EXOSC8: variants seen among roughly 807,000 people sequenced by gnomAD.
The protein encoded by EXOSC8 is exosome component 8.
Under a neutral mutation model 39.9 loss-of-function variants are expected in EXOSC8, and 37 were observed. That is an observed-to-expected ratio of 0.93 (90% CI 0.71 to 1.22). EXOSC8 has a LOEUF of 1.22. Among genes scored for constraint, EXOSC8 ranks in the 50% most tolerant of loss-of-function variants. The pLI, the probability that EXOSC8 is intolerant of heterozygous loss-of-function variation, is 0.00. For missense variants in EXOSC8, 313 were observed against 326.6 expected, an observed-to-expected ratio of 0.96 and a Z score of 0.32; for synonymous variants, 93 against 109.5, an observed-to-expected ratio of 0.85 and a Z score of 0.94.
At chr13:37,001,584 C>A (rs1013345405) in intron 1 of EXOSC8, 1 of 152,044 alleles carries the variant, frequency 6.6e-6, no homozygotes, top group South Asian at 2.1e-4. Context: ...CAAAGGAAAT[C>A]CATTATGTTG....
At chr13:37,002,160 A>T in intron 1 of EXOSC8, 113 bp from the exon 2 acceptor site, 1 of 727,816 alleles carries the variant, frequency 1.4e-6, no homozygotes, top group Non-Finnish European at 2.4e-6. Context: ...ACTTTTAGTT[A>T]AAAAGTTGTG....
At chr13:37,002,348 C>A in intron 2 of EXOSC8, 39 bp downstream of exon 2, 1 of 1,528,982 alleles carries the variant, frequency 6.5e-7, no homozygotes, top group Non-Finnish European at 9.0e-7. Context: ...GTTTTGATAA[C>A]GAGCTGCTTT....
At chr13:37,007,820 A>T (rs1042117666) in intron 8 of EXOSC8, among the ~76,000 whole-genome samples, 3 of 152,170 alleles carry the variant, frequency 2.0e-5, no homozygotes, top group Non-Finnish European at 4.4e-5. Context: ...TTTAAAAAAA[A>T]ATCATTGACT....
Position 37,004,501 on chromosome 13 carries a change from T to A in EXOSC8, c.193-15T>A. ...GTAGCTTCTTTCAATAGGAAACATT[T>A]CTTTGCTACTATAGGAATTTGCAGC... On this transcript the variant is annotated splice_polypyrimidine_tract_variant and intron_variant, in intron 4 of 10. Coordinates refer to ENST00000389704, the MANE Select transcript of EXOSC8 (RefSeq NM_181503.3). The A allele has an allele frequency of 6.3e-7, 1 of 1,592,118 alleles. No homozygotes were observed. Among genetic ancestry groups the A allele is most frequent in the South Asian group, 1.1e-5 (1 of 89,366 alleles).
At chr13:37,006,842 T>G (rs1593701884) in intron 7 of EXOSC8, 133 bp from the exon 8 acceptor site, 1 of 600,584 alleles carries the variant, frequency 1.7e-6, no homozygotes, top group East Asian at 2.9e-5. Flanking sequence ...TGAAGCATTT[T>G]CTTAAGGTTT....
chr13:37,008,651 G>A (rs2059173670), intron 9 of EXOSC8, 78 bp from the exon 10 acceptor site: 5 of 875,528 alleles, frequency 5.7e-6, no homozygotes, highest in Non-Finnish European at 7.3e-6. Context: ...AGCTACTTGG[G>A]AGGCTGATAG....
In EXOSC8 at chr13:37,001,835, A is replaced by G. The variant is rs192842946; in HGVS notation, c.18-438A>G. On this transcript the variant is annotated intron_variant, in intron 1 of 10. Transcript: ENST00000389704. ...AATGTTACTATGGCTTATTGCTTACAGTCATAATTGAAGAATATGCTAAAT... is the reference window on the plus strand; with the variant it reads ...AATGTTACTATGGCTTATTGCTTACGGTCATAATTGAAGAATATGCTAAAT... The G allele has an allele frequency of 4.1e-3, 629 of 155,176 alleles. 5 individuals are homozygous for G. The highest frequency in any genetic ancestry group is 0.015 in the African/African-American group (613 of 41,634). 9.6% of individuals were successfully genotyped at this position (155,176 alleles called of 1,614,324 possible). A position where few individuals can be genotyped will look rare whatever the true frequency, so the allele number is the denominator to read the frequency against.
At chr13:37,003,510 C>T (rs1364883586) in intron 4 of EXOSC8, 2 of 154,872 alleles carry the variant, frequency 1.3e-5, no homozygotes, top group Non-Finnish European at 2.9e-5. Flanking sequence ...TTTCAGTAAC[C>T]TGTCCAGGTA....
chr13:37,002,240 T>G (rs2059111049), intron 1 of EXOSC8, 33 bp from the exon 2 acceptor site: 4 of 1,547,842 alleles, frequency 2.6e-6, no homozygotes, highest in Non-Finnish European at 3.6e-6. Context: ...ATTCATCAGT[T>G]TATCTCAGAT....
chr13:37,007,944 AAG>A, intron 8 of EXOSC8, 111 bp from the exon 9 acceptor site: 1 of 791,064 alleles, frequency 1.3e-6, no homozygotes, highest in East Asian at 2.6e-5. Context: ...GCTTTTTAAA[AAG>A]AAATGTTCTG....
intron 3 of EXOSC8, 37 bp from the exon 4 acceptor site, chr13:37,002,897 T>C (rs1183770576): frequency 1.4e-5 from 20 of 1,397,246 alleles, no homozygotes; most frequent in East Asian, 2.3e-5. Flanking sequence ...GTAGCTGTTT[T>C]CCTTTTATGA....
intron 1 of EXOSC8, chr13:37,001,721 A>G (rs2059106869): frequency 6.6e-6 from 1 of 152,324 alleles, no homozygotes; most frequent in African/African-American, 2.4e-5. Flanking sequence ...TTTCAAAGTA[A>G]CGGTGAGCCT....
intron 5 of EXOSC8, among the ~76,000 whole-genome samples, chr13:37,004,771 A>C (rs1159759755): frequency 6.6e-6 from 1 of 152,230 alleles, no homozygotes; most frequent in Non-Finnish European, 1.5e-5. Flanking sequence ...AACCTTTATC[A>C]AACTTGTTTG....
chr13:37,002,939 A>G lies in EXOSC8; in HGVS notation c.124A>G (p.Ile42Val), dbSNP rs762644118. ...CATTTTGCTTATCTTTTCAGGTTCA[A>G]TTAGTACCGCAGATGGTTCTGCTTT... ...FRTTTVNIGS[I>V]STADGSALVK... is the part of the protein sequence containing the mutation. The change falls in exon 4 of 11, where the codon ATT (isoleucine) becomes GTT (valine). Residue 42 changes from isoleucine to valine, a missense_variant. By Grantham distance (29) the Ile-to-Val change is conservative. Coordinates refer to ENST00000389704, the MANE Select transcript of EXOSC8 (RefSeq NM_181503.3). 8.1e-6 allele frequency: 13 copies of G among 1,607,438 alleles called. No homozygotes were observed. Among genetic ancestry groups the G allele is most frequent in the Admixed American group, 1.7e-5 (1 of 59,950 alleles).
intron 8 of EXOSC8, 30 bp from the exon 9 acceptor site, chr13:37,008,027 T>G (rs761368538): frequency 7.9e-6 from 12 of 1,515,584 alleles, no homozygotes; most frequent in Admixed American, 3.8e-5. Context: ...CTTAGAGACT[T>G]ACTTACTTTA....
chr13:37,006,837 C>T (rs911597646), intron 7 of EXOSC8, 138 bp from the exon 8 acceptor site: 1 of 585,438 alleles, frequency 1.7e-6, no homozygotes, highest in Non-Finnish European at 3.0e-6. Context: ...AAAGGTGAAG[C>T]ATTTTCTTAA....
Position 37,009,310 on chromosome 13 carries a change from C to T in EXOSC8, c.*11C>T. 1.4e-6 allele frequency: 2 copies of T among 1,444,120 alleles called. No homozygotes were observed. Among genetic ancestry groups the T allele is most frequent in the Non-Finnish European group, 1.9e-6 (2 of 1,029,872 alleles). 89.5% of individuals were successfully genotyped at this position (1,444,120 alleles called of 1,614,324 possible). On this transcript the variant is annotated 3_prime_UTR_variant, in exon 11 of 11. Transcript: ENST00000389704. Reference sequence around the variant, plus strand: ...ATGAAACCCAAATAAACAGCCACCACATTTTCAAAACAGATTTGTAAAAAT... The same window carrying T: ...ATGAAACCCAAATAAACAGCCACCATATTTTCAAAACAGATTTGTAAAAAT...
At chr13:37,006,217 G>A in intron 7 of EXOSC8, 57 bp downstream of exon 7, 1 of 1,131,922 alleles carries the variant, frequency 8.8e-7, no homozygotes, top group African/African-American at 1.6e-5. Flanking sequence ...TTTTTTTTTT[G>A]TGGGGGAAAG....
chr13:37,002,149 T>C (rs942853893), intron 1 of EXOSC8, 124 bp from the exon 2 acceptor site: 13 of 659,144 alleles, frequency 2.0e-5, no homozygotes, highest in Non-Finnish European at 3.5e-5. Context: ...TTTCTAGAAT[T>C]ACTTTTAGTT....
Sources: allele counts gnomAD v4.1 joint callset (sites outside exome capture counted in the v4.1 genomes callset), GRCh38; gene constraint gnomAD v4.1.1; transcripts MANE v1.5; gene names NCBI Gene and HGNC (gene_info 2026-07-23, HGNC 2026-07-21).